CCL7: variants seen among roughly 807,000 people sequenced by gnomAD.
CCL7 encodes C-C motif chemokine 7.
A neutral mutation model predicts 7.1 loss-of-function variants in CCL7; 8 were observed. The ratio of observed to expected loss-of-function variants is 1.13; its 90% confidence interval spans 0.66 to 2.04. CCL7 has a LOEUF of 2.04. Among genes scored for constraint, CCL7 ranks in the 30% most tolerant of loss-of-function variants. CCL7 has a pLI of 0.00. For missense variants in CCL7, 134 were observed against 113.6 expected (o/e 1.18, Z -0.82); for synonymous variants, 46 against 41.2 (o/e 1.12, Z -0.45).
chr17:34,271,717 A>G lies in CCL7; in HGVS notation c.215A>G (p.Lys72Arg), dbSNP rs781254927. The change falls in exon 3 of 3, where the codon AAG becomes AGG. Residue 72 changes from lysine to arginine, a missense_variant. Lys to Arg is a conservative substitution (Grantham distance 26). Coordinates refer to ENST00000378569, the MANE Select transcript of CCL7 (RefSeq NM_006273.4). ...CACAGCTTCAAGACCAAACTGGACA[A>G]GGAGATCTGTGCTGACCCCACACAG... ...EAVIFKTKLD[K>R]EICADPTQKW... 6.2e-7 allele frequency: 1 copy of G among 1,610,806 alleles called. No individual in the cohort carries two copies. Among genetic ancestry groups the G allele is most frequent in the Non-Finnish European group, 8.5e-7 (1 of 1,179,134 alleles).
chr17:34,270,837 A>G (rs1476992234), intron 1 of CCL7, among the ~76,000 whole-genome samples: 1 of 152,220 alleles, frequency 6.6e-6, no homozygotes, highest in Non-Finnish European at 1.5e-5. Flanking sequence ...GGGGATCCAT[A>G]GTTGGGGTAC....
rs539197099 is a variant in CCL7 at position 34,270,535 on chromosome 17, G to A, written c.76+169G>A. Among the ~76,000 whole-genome samples, 31 of 152,338 alleles carry A rather than the reference G, an allele frequency of 2.0e-4. 1 individual carries two copies. The highest frequency in any genetic ancestry group is 5.3e-4 in the African/African-American group (22 of 41,580). On this transcript the variant is annotated intron_variant, in intron 1 of 2. Coordinates refer to ENST00000378569, the MANE Select transcript of CCL7 (RefSeq NM_006273.4). ...GAGCCCAACCACACAGCTGCTGTTG[G>A]GTAGAGCCTGAACTAGAATTCCAGC...
rs915388736 is a variant in CCL7 at position 34,271,508 on chromosome 17, G to A, written c.195-189G>A. On this transcript the variant is annotated intron_variant, in intron 2 of 2. Transcript: ENST00000378569. ...GTTCCTTCATCCTGGAACCAAGAGA[G>A]ATTCACTTGGGCTACCAAAAAGAGC... Among the ~76,000 whole-genome samples, 50 of 152,192 alleles carry A rather than the reference G, an allele frequency of 3.3e-4. 1 individual carries two copies. Among genetic ancestry groups the A allele is most frequent in the Admixed American group, 2.6e-4 (4 of 15,286 alleles).
At chr17:34,270,933 G>C (rs1908115974) in intron 1 of CCL7, among the ~76,000 whole-genome samples, 1 of 152,170 alleles carries the variant, frequency 6.6e-6, no homozygotes, top group African/African-American at 2.4e-5. Context: ...TCTTTCAACT[G>C]GTGATGGTGC....
intron 2 of CCL7, 127 bp downstream of exon 2, chr17:34,271,390 T>C: frequency 1.3e-6 from 1 of 769,026 alleles, no homozygotes; most frequent in Non-Finnish European, 2.1e-6. Flanking sequence ...TCTAACCTTA[T>C]CCCAGACATT....
intron 1 of CCL7, 30 bp downstream of exon 1, chr17:34,270,396 C>T: frequency 6.4e-7 from 1 of 1,574,618 alleles, no homozygotes; most frequent in East Asian, 2.2e-5. Context: ...CTCCTTGAAG[C>T]ACATTGCCCC....
In CCL7 at chr17:34,271,924, G is replaced by T; in HGVS notation, c.*122G>T. On this transcript the variant is annotated 3_prime_UTR_variant, in exon 3 of 3. Transcript: ENST00000378569. ...TAATTCTAAGGAATATGAGCTTTAT[G>T]TAATAATGTGAATCATGGTTTTTCT... 1.6e-6 allele frequency: 1 copy of T among 625,796 alleles called. No individual in the cohort carries two copies. Among genetic ancestry groups the T allele is most frequent in the Non-Finnish European group, 2.8e-6 (1 of 355,102 alleles). The allele number at this position is 625,796 out of a possible 1,614,324, so 38.8% of individuals were successfully genotyped here. A position where few individuals can be genotyped will look rare whatever the true frequency, so the allele number is the denominator to read the frequency against.
intron 1 of CCL7, 146 bp from the exon 2 acceptor site, chr17:34,271,000 C>G: frequency 6.7e-7 from 1 of 1,494,092 alleles, no homozygotes. Flanking sequence ...CCTCAAAGGG[C>G]AGAGACATTG....
At position 34,272,148 on chromosome 17, in the gene CCL7, T is replaced by G; in HGVS notation, c.*346T>G. On this transcript the variant is annotated 3_prime_UTR_variant, in exon 3 of 3. Coordinates refer to ENST00000378569, the MANE Select transcript of CCL7 (RefSeq NM_006273.4). ...AAGATTTGCTTTAATTGTTAAGATA[T>G]GATGTCCCTATGGAAGCATATTGTT... The G allele has an allele frequency of 5.3e-6, 1 of 188,956 alleles. No homozygotes were observed. The highest frequency in any genetic ancestry group is 1.1e-4 in the South Asian group (1 of 8,988). 11.7% of individuals were successfully genotyped at this position (188,956 alleles called of 1,614,324 possible).
chr17:34,270,974 G>A (rs1260410436), intron 1 of CCL7, 172 bp from the exon 2 acceptor site: 3 of 1,378,962 alleles, frequency 2.2e-6, no homozygotes, highest in East Asian at 2.5e-5. Context: ...AAAAGTGAAA[G>A]GGAGTTTATG....
intron 2 of CCL7, 40 bp from the exon 3 acceptor site, chr17:34,271,657 T>C (rs201658389): frequency 1.5e-6 from 2 of 1,360,504 alleles, no homozygotes; most frequent in African/African-American, 1.4e-5. Flanking sequence ...GGCTGAACCC[T>C]CAAGGTGTTC....
rs780320691 is a variant in CCL7, at chr17:34,271,222, C to T, written c.153C>T (p.Tyr51=). 1.9e-6 allele frequency: 3 copies of T among 1,614,118 alleles called. No homozygotes were observed. The African/African-American group carries it at 4.0e-5, about 22-fold the overall frequency. The part of the protein sequence containing the change: ...KKIPKQRLES[Y]RRTTSSHCPR... Reference sequence around the variant, plus strand: ...TCCCTAAGCAGAGGCTGGAGAGCTACAGAAGGACCACCAGTAGCCACTGTC... The same window carrying T: ...TCCCTAAGCAGAGGCTGGAGAGCTATAGAAGGACCACCAGTAGCCACTGTC... Residue 51 remains tyrosine, a synonymous_variant, in exon 2 of 3, where the codon TAC becomes TAT. Coordinates refer to ENST00000378569, the MANE Select transcript of CCL7 (RefSeq NM_006273.4).
At position 34,271,137 on chromosome 17, in the gene CCL7, T is replaced by G. The variant is rs1908132593; in HGVS notation, c.77-9T>G. ...TCAATGGACTTTTCTTCTTGTTGTT[T>G]CATTGCAGTTGGGATTAATACTTCA... On this transcript the variant is annotated splice_polypyrimidine_tract_variant and intron_variant, in intron 1 of 2. Transcript: ENST00000378569. 6.2e-7 allele frequency: 1 copy of G among 1,614,016 alleles called. No homozygotes were observed. The highest frequency in any genetic ancestry group is 1.3e-5 in the African/African-American group (1 of 74,900).
rs996004103 is a variant in CCL7, at chr17:34,271,723, T to A, written c.221T>A (p.Ile74Asn). 6 of 1,611,248 alleles carry A rather than the reference T, an allele frequency of 3.7e-6. No individual in the cohort carries two copies. The highest frequency in any genetic ancestry group is 1.7e-5 in the Admixed American group (1 of 58,890). ...TTCAAGACCAAACTGGACAAGGAGA[T>A]CTGTGCTGACCCCACACAGAAGTGG... is the stretch of plus-strand genomic sequence containing the variant. ...VIFKTKLDKEICADPTQKWVQ... is the reference protein window; with the variant it reads ...VIFKTKLDKENCADPTQKWVQ... The change falls in exon 3 of 3, where the codon ATC (isoleucine) becomes AAC (asparagine). Residue 74 changes from isoleucine to asparagine, a missense_variant. Physicochemically the swap from Ile to Asn is moderately radical, Grantham distance 149 (BLOSUM62 -3). Transcript: ENST00000378569.
At chr17:34,271,318 G>A (rs1296949360) in intron 2 of CCL7, 55 bp downstream of exon 2, 4 of 1,420,342 alleles carry the variant, frequency 2.8e-6, no homozygotes, top group African/African-American at 2.8e-5. Context: ...TTCTTCCCTG[G>A]GCAGGGAATA....
At chr17:34,271,019 A>T (rs1454582793) in intron 1 of CCL7, 127 bp from the exon 2 acceptor site, 1 of 1,544,076 alleles carries the variant, frequency 6.5e-7, no homozygotes, top group East Asian at 2.3e-5. Flanking sequence ...TGGGTTTGGG[A>T]TGGGCAGCTT....
Position 34,270,247 on chromosome 17 carries a change from A to C in CCL7, c.-44A>C. 6.3e-7 allele frequency: 1 copy of C among 1,595,326 alleles called. No individual in the cohort carries two copies. Among genetic ancestry groups the C allele is most frequent in the East Asian group, 2.2e-5 (1 of 44,770 alleles). On this transcript the variant is annotated 5_prime_UTR_variant, in exon 1 of 3. Transcript: ENST00000378569. Reference sequence around the variant, plus strand: ...GCAGAGGGGCTGAGACCAAACCAGAAACCTCCAATTCTCATGTGGAAGCCC... The same window carrying C: ...GCAGAGGGGCTGAGACCAAACCAGACACCTCCAATTCTCATGTGGAAGCCC...
intron 1 of CCL7, 60 bp downstream of exon 1, chr17:34,270,426 C>A: frequency 1.5e-6 from 2 of 1,371,548 alleles, no homozygotes; most frequent in Non-Finnish European, 2.1e-6. Flanking sequence ...TTATCCTGGA[C>A]CAATCAAGAA....
chr17:34,271,634 G>A, intron 2 of CCL7, 63 bp from the exon 3 acceptor site: 1 of 1,038,252 alleles, frequency 9.6e-7, no homozygotes, highest in Admixed American at 2.2e-5. Flanking sequence ...CCATAGACTT[G>A]GTCACACTCC....
Sources: gnomAD v4.1 joint callset for allele counts (sites outside exome capture counted in the v4.1 genomes callset) on GRCh38, gnomAD v4.1.1 for gene constraint, MANE v1.5 for transcripts, NCBI Gene and HGNC (gene_info 2026-07-23, HGNC 2026-07-21) for gene names.